AFF4: variants seen among roughly 807,000 people sequenced by gnomAD.
AFF4 encodes the protein AF4/FMR2 family member 4.
In AFF4, 13 loss-of-function variants were observed where a neutral mutation model predicts 124.8. The ratio of observed to expected loss-of-function variants is 0.10; its 90% confidence interval spans 0.07 to 0.17. AFF4 has a LOEUF of 0.17. AFF4 is among the 10% of genes least tolerant of loss of function. The probability of loss-of-function intolerance (pLI) is 1.00; values close to 1 mark genes in which losing one functional copy is unlikely to be tolerated. For synonymous variants in AFF4, 477 were observed against 496.1 expected (o/e 0.96, Z 0.51); for missense variants, 1,092 against 1,403.8 (o/e 0.78, Z 3.55).
intron 4 of AFF4, 193 bp from the exon 5 acceptor site, chr5:132,927,400 C>A (rs530593908): frequency 4.2e-6 from 2 of 478,006 alleles, no homozygotes; most frequent in South Asian, 6.1e-5. Context: ...TTAATAAATG[C>A]TCCCTGGCTT....
intron 1 of AFF4, among the ~76,000 whole-genome samples, chr5:132,948,012 T>G (rs186575632): frequency 2.0e-5 from 3 of 152,204 alleles, no homozygotes; most frequent in Non-Finnish European, 4.4e-5. Flanking sequence ...TTACTGTATT[T>G]CATAAATCAT....
At chr5:132,963,142 C>T (rs926539370) in intron 1 of AFF4, 117 bp downstream of exon 1, 2 of 358,608 alleles carry the variant, frequency 5.6e-6, no homozygotes, top group Non-Finnish European at 9.9e-6. Context: ...GCAGCCCCAG[C>T]CCGGAGGGTC....
chr5:132,948,939 C>T (rs1021046952), intron 1 of AFF4, among the ~76,000 whole-genome samples: 1 of 151,978 alleles, frequency 6.6e-6, no homozygotes, highest in Non-Finnish European at 1.5e-5. Context: ...TGTACTTAAC[C>T]TAAACTGTGC....
At chr5:132,957,231 C>G (rs997979457) in intron 1 of AFF4, among the ~76,000 whole-genome samples, 7 of 150,452 alleles carry the variant, frequency 4.7e-5, no homozygotes, top group Non-Finnish European at 8.9e-5. Flanking sequence ...GTCCTAGCTA[C>G]TTGGAAGGCT....
intron 1 of AFF4, chr5:132,943,545 C>T (rs1761624686): frequency 5.6e-6 from 1 of 178,546 alleles, no homozygotes; most frequent in East Asian, 1.5e-4. Flanking sequence ...TTGGTACTAT[C>T]TCTGTAGGCC....
chr5:132,901,142 A>G (rs1399572998), intron 7 of AFF4: 1 of 985,220 alleles, frequency 1.0e-6, no homozygotes, highest in Non-Finnish European at 1.2e-6. Context: ...CTCTAAGGAA[A>G]TGTACTTAGT....
At chr5:132,949,463 G>A (rs1761779382) in intron 1 of AFF4, among the ~76,000 whole-genome samples, 1 of 152,028 alleles carries the variant, frequency 6.6e-6, no homozygotes, top group South Asian at 2.1e-4. Flanking sequence ...GACCGCTTGA[G>A]CCCAGGAGTT....
chr5:132,935,211 A>G (rs1761397021), intron 2 of AFF4, among the ~76,000 whole-genome samples: 1 of 152,202 alleles, frequency 6.6e-6, no homozygotes, highest in Non-Finnish European at 1.5e-5. Flanking sequence ...TACTCTGGGC[A>G]GCTGAGGCAG....
At chr5:132,943,701 C>A in intron 1 of AFF4, 2 of 259,900 alleles carry the variant, frequency 7.7e-6, no homozygotes, top group South Asian at 1.6e-4. Context: ...ACGTATCTGT[C>A]AAAAATGTTC....
chr5:132,900,873 T>C (rs1298299781), intron 7 of AFF4: 2 of 982,646 alleles, frequency 2.0e-6, no homozygotes, highest in Non-Finnish European at 2.4e-6. Flanking sequence ...TTCCATTACC[T>C]TTCTTAAAAT....
At chr5:132,913,595 C>T (rs1760842924) in intron 5 of AFF4, among the ~76,000 whole-genome samples, 1 of 152,124 alleles carries the variant, frequency 6.6e-6, no homozygotes, top group Non-Finnish European at 1.5e-5. Context: ...AGGTGCCCAC[C>T]ACCGTGCCCG....
At chr5:132,950,049 C>T (rs908934509) in intron 1 of AFF4, among the ~76,000 whole-genome samples, 4 of 150,864 alleles carry the variant, frequency 2.7e-5, no homozygotes, top group East Asian at 2.0e-4. Flanking sequence ...AAATAAAAAG[C>T]GGCCAGGCAT....
chr5:132,884,012 T>C (rs1009508296), intron 19 of AFF4, among the ~76,000 whole-genome samples: 4 of 152,200 alleles, frequency 2.6e-5, no homozygotes, highest in African/African-American at 9.7e-5. Flanking sequence ...TCTGACACTT[T>C]CCTAGTTTAA....
chr5:132,939,632 C>G (rs534105979), intron 1 of AFF4, among the ~76,000 whole-genome samples: 1 of 152,032 alleles, frequency 6.6e-6, no homozygotes, highest in Non-Finnish European at 1.5e-5. Flanking sequence ...TTTTTTGAGA[C>G]GAAGTCTCGC....
intron 5 of AFF4, among the ~76,000 whole-genome samples, chr5:132,922,137 G>A (rs1033940501): frequency 1.3e-5 from 2 of 152,100 alleles, no homozygotes; most frequent in African/African-American, 4.8e-5. Context: ...ATAAAAACAG[G>A]CCAGATGTAG....
At chr5:132,948,222 T>C (rs1761746739) in intron 1 of AFF4, among the ~76,000 whole-genome samples, 1 of 152,060 alleles carries the variant, frequency 6.6e-6, no homozygotes, top group Non-Finnish European at 1.5e-5. Context: ...GGCTAATCTT[T>C]TGTATTTTAG....
intron 5 of AFF4, among the ~76,000 whole-genome samples, chr5:132,915,759 G>C (rs1760894608): frequency 6.6e-6 from 1 of 151,276 alleles, no homozygotes; most frequent in South Asian, 2.1e-4. Flanking sequence ...GTAGAGATGG[G>C]GGTTTCACCA....
chr5:132,900,351 G>A (rs1280699049), intron 7 of AFF4, among the ~76,000 whole-genome samples: 1 of 152,180 alleles, frequency 6.6e-6, no homozygotes, highest in African/African-American at 2.4e-5. Context: ...GAAGTCATGA[G>A]TTCGAGACCA....
chr5:132,888,313 A>G (rs1428429127), intron 14 of AFF4, among the ~76,000 whole-genome samples, 153 bp from the exon 15 acceptor site: 2 of 151,926 alleles, frequency 1.3e-5, no homozygotes, highest in African/African-American at 2.4e-5. Flanking sequence ...ACAAATGTTT[A>G]TATCAGGTTA....
Sources: allele counts gnomAD v4.1 joint callset (sites outside exome capture counted in the v4.1 genomes callset), GRCh38; gene constraint gnomAD v4.1.1; transcripts MANE v1.5; gene names NCBI Gene and HGNC (gene_info 2026-07-23, HGNC 2026-07-21).